Variants in FMN1 observed in about 807,000 individuals in gnomAD.
FMN1 encodes the protein formin 1.
A neutral mutation model predicts 132.4 loss-of-function variants in FMN1; 110 were observed. That is an observed-to-expected ratio of 0.83 (90% CI 0.71 to 0.97). The LOEUF (loss-of-function observed/expected upper bound fraction) is 0.97, where lower values mean the gene tolerates loss of function less well. Among genes scored for constraint, FMN1 ranks in the 50% least tolerant of loss-of-function variants. FMN1 has a pLI of 0.00. For synonymous variants in FMN1, 722 were observed against 651.7 expected (o/e 1.11, Z -1.64); for missense variants, 1,792 against 1,705.3 (o/e 1.05, Z -0.90).
intron 6 of FMN1, among the ~76,000 whole-genome samples, chr15:33,022,758 A>T (rs892447084): frequency 2.4e-5 from 3 of 126,098 alleles, no homozygotes; most frequent in African/African-American, 8.4e-5. Context: ...ACTGCAGAGT[A>T]ACAGGGACTG....
intron 19 of FMN1, among the ~76,000 whole-genome samples, chr15:32,786,742 A>G (rs2056892130): frequency 6.6e-6 from 1 of 152,180 alleles, no homozygotes; most frequent in Non-Finnish European, 1.5e-5. Flanking sequence ...TGAAACATAG[A>G]TGGTATTAAC....
intron 5 of FMN1, among the ~76,000 whole-genome samples, chr15:33,080,794 T>C (rs2038423177): frequency 1.3e-5 from 2 of 151,254 alleles, no homozygotes; most frequent in Non-Finnish European, 2.9e-5. Flanking sequence ...AGCTGAGGCA[T>C]GAGAATAGAT....
At chr15:32,979,253 T>A (rs939852287) in intron 7 of FMN1, among the ~76,000 whole-genome samples, 3 of 152,086 alleles carry the variant, frequency 2.0e-5, no homozygotes, top group African/African-American at 7.2e-5. Flanking sequence ...TACCAGATCC[T>A]GTGGAAAATA....
intron 4 of FMN1, among the ~76,000 whole-genome samples, chr15:33,131,253 C>T (rs1398935507): frequency 6.7e-6 from 1 of 149,680 alleles, no homozygotes; most frequent in Non-Finnish European, 1.5e-5. Context: ...CACTTGAACC[C>T]AGGAGGCAGA....
chr15:32,887,672 G>A (rs2141482882), intron 16 of FMN1, among the ~76,000 whole-genome samples: 1 of 152,190 alleles, frequency 6.6e-6, no homozygotes, highest in Admixed American at 6.5e-5. Context: ...ACTAGCTAAT[G>A]TGTAAGTTCT....
chr15:33,087,846 C>T (rs1177049688), intron 5 of FMN1, among the ~76,000 whole-genome samples: 1 of 151,940 alleles, frequency 6.6e-6, no homozygotes, highest in East Asian at 1.9e-4. Flanking sequence ...TACATACACA[C>T]ACATATATAC....
intron 7 of FMN1, among the ~76,000 whole-genome samples, chr15:32,991,563 T>C (rs2033436175): frequency 3.3e-5 from 5 of 152,186 alleles, no homozygotes; most frequent in Admixed American, 3.3e-4. Context: ...CTTTCTCCTC[T>C]GCAGGGCTGT....
intron 10 of FMN1, among the ~76,000 whole-genome samples, chr15:32,920,200 AACTC>A (rs1328997310): frequency 1.3e-5 from 2 of 152,170 alleles, no homozygotes; most frequent in African/African-American, 4.8e-5. Context: ...GAATAAGAGG[AACTC>A]ACTAACATGG....
intron 6 of FMN1, among the ~76,000 whole-genome samples, chr15:33,017,972 G>A (rs1184785997): frequency 1.3e-5 from 2 of 151,926 alleles, no homozygotes; most frequent in Admixed American, 6.5e-5. Flanking sequence ...GGCAGAGGTA[G>A]GAGAATCACT....
intron 4 of FMN1, among the ~76,000 whole-genome samples, chr15:33,119,635 G>A (rs1046839431): frequency 6.6e-6 from 1 of 152,200 alleles, no homozygotes; most frequent in Non-Finnish European, 1.5e-5. Flanking sequence ...TCAAGGGATA[G>A]AAGTGATCAC....
rs148648220 is a variant in FMN1 at position 32,971,248 on chromosome 15, T to C, written c.2224-1771A>G. 9.2e-5 allele frequency among the ~76,000 whole-genome samples: 14 copies of C among 152,370 alleles called. No homozygotes were observed. In the East Asian group the frequency reaches 2.7e-3, roughly 29 times the overall value. On this transcript the variant is annotated intron_variant, in intron 7 of 20. Transcript: ENST00000616417. ...GATAAATCTTACTGTTAGTTTCTGT[T>C]GCTAATGCTAATGCTAATAGCAGAG... is the stretch of plus-strand genomic sequence containing the variant.
chr15:33,078,179 C>T (rs535379843), intron 5 of FMN1, among the ~76,000 whole-genome samples: 7 of 152,198 alleles, frequency 4.6e-5, no homozygotes, highest in Non-Finnish European at 1.0e-4. Flanking sequence ...AGCATCCACG[C>T]GTAAAATGGG....
At chr15:33,112,190 T>C (rs527907372) in intron 4 of FMN1, among the ~76,000 whole-genome samples, 7 of 152,254 alleles carry the variant, frequency 4.6e-5, no homozygotes, top group Admixed American at 2.6e-4. Flanking sequence ...ACCATAGTCA[T>C]CTACATGATA....
chr15:32,923,893 C>T (rs1284158772), intron 10 of FMN1, among the ~76,000 whole-genome samples: 1 of 152,146 alleles, frequency 6.6e-6, no homozygotes, highest in African/African-American at 2.4e-5. Flanking sequence ...ACATCCACAG[C>T]GTTACACATC....
At chr15:32,872,220 C>G (rs1319199998) in intron 16 of FMN1, among the ~76,000 whole-genome samples, 4 of 152,142 alleles carry the variant, frequency 2.6e-5, no homozygotes, top group Non-Finnish European at 5.9e-5. Flanking sequence ...TTTAAATGCT[C>G]AGACTTTCCA....
chr15:33,048,141 C>CAT (rs33921202), intron 6 of FMN1, among the ~76,000 whole-genome samples: 108,021 of 151,916 alleles, frequency 0.71, 38,884 homozygotes, highest in Non-Finnish European at 0.76. Flanking sequence ...AAAATGTAAA[C>CAT]GTGGTCTAAA....
At chr15:32,910,362 C>G in intron 11 of FMN1, 112 bp downstream of exon 11, 1 of 823,462 alleles carries the variant, frequency 1.2e-6, no homozygotes. Flanking sequence ...ATGCCTTAAT[C>G]TCTTCCAGGC....
At chr15:33,194,222 G>T (rs1489859168) in intron 1 of FMN1, among the ~76,000 whole-genome samples, 162 bp from the exon 2 acceptor site, 1 of 121,684 alleles carries the variant, frequency 8.2e-6, no homozygotes, top group African/African-American at 3.4e-5. Flanking sequence ...AAAAAGCTCT[G>T]CATCTCTCCG....
intron 17 of FMN1, among the ~76,000 whole-genome samples, chr15:32,838,715 A>T (rs1258765): frequency 6.6e-6 from 1 of 152,318 alleles, no homozygotes; most frequent in East Asian, 1.9e-4. Context: ...CTTCCTGCTC[A>T]TTAAAAAATG....
Sources: allele counts gnomAD v4.1 joint callset (sites outside exome capture counted in the v4.1 genomes callset), GRCh38; gene constraint gnomAD v4.1.1; transcripts MANE v1.5; gene names NCBI Gene and HGNC (gene_info 2026-07-23, HGNC 2026-07-21).